Variants in NEK1 observed in about 807,000 individuals in gnomAD.
NEK1 encodes serine/threonine-protein kinase Nek1.
NEK1 carries 137 observed loss-of-function variants against 182.1 expected under a neutral mutation model. That is an observed-to-expected ratio of 0.75 (90% CI 0.65 to 0.87). The LOEUF (loss-of-function observed/expected upper bound fraction) is 0.87. NEK1 is among the 40% of genes least tolerant of loss of function. NEK1 has a pLI of 0.00. For synonymous variants in NEK1, 513 were observed against 492.2 expected, an observed-to-expected ratio of 1.04 and a Z score of -0.56; for missense variants, 1,391 against 1,494.4, an observed-to-expected ratio of 0.93 and a Z score of 1.14.
At chr4:169,495,883 C>T (rs1008002865) in intron 23 of NEK1, among the ~76,000 whole-genome samples, 16 of 152,226 alleles carry the variant, frequency 1.1e-4, no homozygotes, top group East Asian at 1.9e-4. Flanking sequence ...CTTGGCAATG[C>T]GGGCTCTTTT....
At chr4:169,472,810 G>C (rs924556579) in intron 26 of NEK1, among the ~76,000 whole-genome samples, 2 of 152,034 alleles carry the variant, frequency 1.3e-5, no homozygotes, top group Non-Finnish European at 2.9e-5. Flanking sequence ...CTACATGACG[G>C]AGCATAAACA....
chr4:169,598,342 A>G (rs1769909824), intron 5 of NEK1, among the ~76,000 whole-genome samples: 1 of 152,208 alleles, frequency 6.6e-6, no homozygotes, highest in Non-Finnish European at 1.5e-5. Flanking sequence ...GGCAATTAAA[A>G]TTAAGAACTG....
At chr4:169,581,588 A>G (rs1766664239) in intron 10 of NEK1, among the ~76,000 whole-genome samples, 1 of 152,082 alleles carries the variant, frequency 6.6e-6, no homozygotes, top group African/African-American at 2.4e-5. Flanking sequence ...CCCAGCACTA[A>G]TTTATTTTTA....
intron 23 of NEK1, among the ~76,000 whole-genome samples, chr4:169,491,588 G>A (rs1750101316): frequency 6.9e-6 from 1 of 145,702 alleles, no homozygotes; most frequent in Non-Finnish European, 1.5e-5. Context: ...ATCACCTCTA[G>A]AACTGATTTA....
chr4:169,449,628 C>T (rs1261013484), intron 27 of NEK1, among the ~76,000 whole-genome samples: 1 of 151,928 alleles, frequency 6.6e-6, no homozygotes, highest in Non-Finnish European at 1.5e-5. Flanking sequence ...GGAATAGCAT[C>T]AACATCAACA....
At chr4:169,419,108 C>T (rs1466669147) in intron 31 of NEK1, among the ~76,000 whole-genome samples, 1 of 152,000 alleles carries the variant, frequency 6.6e-6, no homozygotes, top group Non-Finnish European at 1.5e-5. Flanking sequence ...AACCTTACTC[C>T]CCAAAACCCT....
chr4:169,501,226 C>T (rs935175797), intron 23 of NEK1, among the ~76,000 whole-genome samples: 2 of 152,000 alleles, frequency 1.3e-5, no homozygotes, highest in Non-Finnish European at 2.9e-5. Context: ...TGTACATGCC[C>T]AACACTTGAG....
chr4:169,590,636 A>G, intron 6 of NEK1, 90 bp downstream of exon 6: 1 of 766,770 alleles, frequency 1.3e-6, no homozygotes. Flanking sequence ...TCTGATGCAC[A>G]CTAAATCAGG....
intron 23 of NEK1, among the ~76,000 whole-genome samples, chr4:169,504,129 C>T (rs1217035093): frequency 1.3e-5 from 2 of 152,098 alleles, no homozygotes; most frequent in African/African-American, 4.8e-5. Flanking sequence ...AAAAAGTGCT[C>T]AACATCACTG....
At chr4:169,435,119 A>G (rs1390357852) in intron 28 of NEK1, among the ~76,000 whole-genome samples, 2 of 152,174 alleles carry the variant, frequency 1.3e-5, no homozygotes, top group African/African-American at 4.8e-5. Flanking sequence ...AATAATAGAA[A>G]CTTATTTCTC....
chr4:169,569,445 T>C (rs1654464287), intron 12 of NEK1, among the ~76,000 whole-genome samples: 2 of 137,240 alleles, frequency 1.5e-5, no homozygotes, highest in South Asian at 2.3e-4. Flanking sequence ...TCTCCCTCTC[T>C]CCCTCCCTCC....
intron 27 of NEK1, among the ~76,000 whole-genome samples, chr4:169,460,989 T>C (rs757225845): frequency 2.6e-5 from 4 of 152,198 alleles, no homozygotes; most frequent in African/African-American, 9.6e-5. Flanking sequence ...GACACTGACA[T>C]AAGAATTGGA....
chr4:169,414,313 T>C (rs975295727), intron 31 of NEK1, among the ~76,000 whole-genome samples: 8 of 152,206 alleles, frequency 5.3e-5, no homozygotes, highest in African/African-American at 2.4e-5. Flanking sequence ...ATTACTCTGA[T>C]AATATGGTCT....
chr4:169,406,377 G>A (rs1342257186), intron 32 of NEK1, among the ~76,000 whole-genome samples: 1 of 151,198 alleles, frequency 6.6e-6, no homozygotes, highest in East Asian at 1.9e-4. Flanking sequence ...CTCTTTTAAT[G>A]CTGTTTACTA....
chr4:169,599,055 T>G (rs376418556), intron 5 of NEK1, 45 bp downstream of exon 5: 21 of 1,457,366 alleles, frequency 1.4e-5, no homozygotes, highest in Non-Finnish European at 1.9e-5. Context: ...TTTGAACTAC[T>G]TCTCAATAAT....
At chr4:169,570,090 CG>C (rs1478695768) in intron 12 of NEK1, among the ~76,000 whole-genome samples, 3 of 151,356 alleles carry the variant, frequency 2.0e-5, no homozygotes, top group South Asian at 4.2e-4. Flanking sequence ...AAGTGAGGAG[CG>C]TCTCTGCCTG....
intron 26 of NEK1, among the ~76,000 whole-genome samples, chr4:169,473,941 G>A (rs539980350): frequency 1.3e-5 from 2 of 152,304 alleles, no homozygotes; most frequent in East Asian, 1.9e-4. Flanking sequence ...TGGAGTGGTA[G>A]AGGAAAAAGT....
intron 23 of NEK1, among the ~76,000 whole-genome samples, chr4:169,505,265 C>T (rs1753055853): frequency 6.6e-6 from 1 of 152,032 alleles, no homozygotes; most frequent in Non-Finnish European, 1.5e-5. Flanking sequence ...CACAAATCCA[C>T]TTACACACAA....
chr4:169,603,999 C>A lies in NEK1; in HGVS notation c.-48-1321G>T, dbSNP rs1421385818. 7.6e-4 allele frequency among the ~76,000 whole-genome samples: 116 copies of A among 152,238 alleles called. 2 individuals carry two copies. The highest frequency in any genetic ancestry group is 7.5e-3 in the Admixed American group (114 of 15,288). ...TAGAGGTGTGAGCCACCATGAGCGG[C>A]CACATTTATTGAACATTTCTATTTT... On this transcript the variant is annotated intron_variant, in intron 2 of 35. Transcript: ENST00000507142.
Sources: allele counts gnomAD v4.1 joint callset (sites outside exome capture counted in the v4.1 genomes callset), GRCh38; gene constraint gnomAD v4.1.1; transcripts MANE v1.5; gene names NCBI Gene and HGNC (gene_info 2026-07-23, HGNC 2026-07-21).